ERI2: variants seen among roughly 807,000 people sequenced by gnomAD.
ERI2 encodes the protein ERI1 exoribonuclease family member 2.
Under a neutral mutation model 46.8 loss-of-function variants are expected in ERI2, and 35 were observed. The observed-to-expected ratio is 0.75, with a 90% confidence interval of 0.57 to 0.99. ERI2 has a LOEUF of 0.99. Ranked by LOEUF, ERI2 falls within the 50% of genes least tolerant of loss-of-function variation. The pLI is 0.00. For synonymous variants in ERI2, 224 were observed against 271.0 expected (o/e 0.83, Z 1.70); for missense variants, 695 against 796.2 (o/e 0.87, Z 1.53).
At chr16:20,785,067 C>T (rs748181119) in intron 10 of ERI2, 18 of 1,613,568 alleles carry the variant, frequency 1.1e-5, no homozygotes, top group African/African-American at 2.7e-5. Flanking sequence ...AGAAACAAGA[C>T]GGGCCTGGAT....
chr16:20,789,687 T>TC, intron 9 of ERI2: 1 of 427,212 alleles, frequency 2.3e-6, no homozygotes, highest in East Asian at 4.2e-5. Context: ...TATTTTTCTT[T>TC]TTTTTTTTTT....
chr16:20,799,286 T>G lies in ERI2; in HGVS notation c.709A>C (p.Lys237Gln), dbSNP rs200234957. Reference sequence around the variant, plus strand: ...ACCTTGTTCAACGACCTTGTAATTTTCATTACACAACCATCTCTGATCATT... The same window carrying G: ...ACCTTGTTCAACGACCTTGTAATTTGCATTACACAACCATCTCTGATCATT... ...WKMIRDGCVM[K>Q]ITRSLNKVPT... The change falls in exon 8 of 9, where the codon AAA becomes CAA. Residue 237 changes from lysine (K) to glutamine (Q), a missense_variant. Lys to Gln is a moderately conservative substitution (Grantham distance 53). Transcript: ENST00000357967. 1 of 1,613,752 alleles carries G rather than the reference T, an allele frequency of 6.2e-7. No homozygotes were observed. Among genetic ancestry groups the G allele is most frequent in the African/African-American group, 1.3e-5 (1 of 75,032 alleles).
intron 1 of ERI2, 108 bp downstream of exon 1, chr16:20,806,300 G>A: frequency 2.7e-6 from 4 of 1,482,280 alleles, no homozygotes; most frequent in Non-Finnish European, 3.6e-6. Flanking sequence ...GGGGCTGCGG[G>A]GAATAGAGGC....
Position 20,790,481 on chromosome 16 carries a change from C to A in ERI2, c.815+369G>T. ...CACACACACAAAATTTTTTTTAAGT[C>A]TTCATTTTTAAATGGCAAAAGCCAA... On this transcript the variant is annotated intron_variant, in intron 9 of 10. Transcript: ENST00000300005. The surrounding 1 kb of genome is among the most constrained non-coding windows in gnomAD (Gnocchi z 4.0). 1 of 1,169,464 alleles carries A rather than the reference C, an allele frequency of 8.6e-7. No individual in the cohort carries two copies. Among genetic ancestry groups the A allele is most frequent in the Non-Finnish European group, 1.2e-6 (1 of 823,968 alleles). 72.4% of individuals were successfully genotyped at this position (1,169,464 alleles called of 1,614,324 possible).
In ERI2 at chr16:20,802,747, T is replaced by C. The variant is rs771142726; in HGVS notation, c.303+49A>G. The C allele has an allele frequency of 2.2e-5, 35 of 1,568,556 alleles. No individual in the cohort carries two copies. In the Admixed American group the frequency reaches 5.3e-4, roughly 24 times the overall value. On this transcript the variant is annotated intron_variant, in intron 4 of 8. Transcript: ENST00000357967. ...CTAATTTCAAATGGTATAATAACTT[T>C]TATTTTCTTTTTGAAACTGACTTCT...
rs923860958 is a variant in ERI2, at chr16:20,798,396, A to G, written c.1404T>C (p.Ser468=). 6.4e-7 allele frequency: 1 copy of G among 1,550,564 alleles called. No homozygotes were observed. The highest frequency in any genetic ancestry group is 1.4e-5 in the African/African-American group (1 of 73,022). The change falls in exon 9 of 9, where the codon TCT becomes TCC. Residue 468 remains serine (S), a synonymous_variant. Coordinates refer to ENST00000357967, the MANE Select transcript of ERI2 (RefSeq NM_001142725.2). ...FGDIEETPQK[S]ETSKSIVYKS... is the part of the protein sequence containing the mutation. ...TGTACACAATAGACTTAGAAGTCTC[A>G]GATTTTTGAGGAGTTTCCTCTATGT...
Position 20,797,383 on chromosome 16 carries a change from T to C in ERI2, c.*341A>G. ...ACTTATAAAAGTTTTTAGAAAAATA[T>C]AAAATATCAGTTAGAAGATTATGAT... On this transcript the variant is annotated 3_prime_UTR_variant, in exon 9 of 9. Coordinates refer to ENST00000357967, the MANE Select transcript of ERI2 (RefSeq NM_001142725.2). The C allele has an allele frequency of 1.0e-6, 1 of 985,872 alleles. No individual in the cohort carries two copies. Among genetic ancestry groups the C allele is most frequent in the East Asian group, 9.7e-5 (1 of 10,316 alleles). 61.1% of individuals were successfully genotyped at this position (985,872 alleles called of 1,614,324 possible).
intron 1 of ERI2, 127 bp from the exon 2 acceptor site, chr16:20,803,797 G>T: frequency 8.3e-7 from 1 of 1,205,508 alleles, no homozygotes; most frequent in South Asian, 1.4e-5. Context: ...AAATCGAACT[G>T]GACTTTGGCT....
rs748863677 is a variant in ERI2 at position 20,790,671 on chromosome 16, CT to C, written c.815+178del. ...AGTTCTACCCAACCGACCATTTGGC[CT>C]TTTTACTCATTACGTAGTAAGTGAC... On this transcript the variant is annotated intron_variant, in intron 9 of 10. Coordinates refer to the ERI2 transcript ENST00000300005. The surrounding 1 kb of genome is among the most constrained non-coding windows in gnomAD (Gnocchi z 4.0). 4.0e-5 allele frequency: 64 copies of C among 1,614,056 alleles called. No homozygotes were observed. The African/African-American group carries it at 6.5e-4, about 16-fold the overall frequency.
chr16:20,796,225 A>T (rs1463110136), downstream of ERI2: 3 of 1,369,538 alleles, frequency 2.2e-6, no homozygotes, highest in Non-Finnish European at 9.6e-7. Flanking sequence ...TGGCTGGCTT[A>T]AGAGCACAGA....
Position 20,798,254 on chromosome 16 carries a change from T to TA in ERI2, c.1545dup (p.Met516TyrfsTer39), listed in dbSNP as rs1347025659. On this transcript the variant is annotated frameshift_variant, in exon 9 of 9. Coordinates refer to ENST00000357967, the MANE Select transcript of ERI2 (RefSeq NM_001142725.2). LOFTEE classifies it high-confidence loss of function. ...TTCCCCAAAACTAAAGGATGAGACA[T>TA]ATTGGCATTAACTCTGTTGAAGGTA... The TA allele has an allele frequency of 6.4e-7, 1 of 1,551,590 alleles. No individual in the cohort carries two copies. Among genetic ancestry groups the TA allele is most frequent in the Non-Finnish European group, 8.7e-7 (1 of 1,146,908 alleles).
intron 10 of ERI2, among the ~76,000 whole-genome samples, chr16:20,788,606 A>C (rs535165011): frequency 6.6e-6 from 1 of 152,326 alleles, no homozygotes; most frequent in East Asian, 1.9e-4. Context: ...AACCAGGTGA[A>C]TATCAGATTC....
rs570208326 is a variant in ERI2 at position 20,806,190 on chromosome 16, G to T, written c.23+218C>A. On this transcript the variant is annotated intron_variant, in intron 1 of 8. Transcript: ENST00000357967. ...AAGGCCCCAGGGTTCGTCCGCCTCG[G>T]GCTCCTGTCACCCTCGGGTAGAAGG... The T allele has an allele frequency of 4.6e-5, 64 of 1,394,684 alleles. No homozygotes were observed. The African/African-American group carries it at 9.2e-4, about 20-fold the overall frequency. The allele number at this position is 1,394,684 out of a possible 1,614,324, so 86.4% of individuals were successfully genotyped here. A position where few individuals can be genotyped will look rare whatever the true frequency, so the allele number is the denominator to read the frequency against.
downstream of ERI2, chr16:20,792,157 G>A: frequency 6.2e-7 from 1 of 1,614,078 alleles, no homozygotes; most frequent in Non-Finnish European, 8.5e-7. Flanking sequence ...ATGTGCATAT[G>A]TCTGTGTTAA....
rs182542587 is a variant in ERI2, at chr16:20,799,670, C to A, written c.643+287G>T. ...ATCTAATAGTCTTGTTCAGTTTTTT[C>A]ACTAGTCCATTCTATTATTTGAGCA... On this transcript the variant is annotated intron_variant, in intron 7 of 8. Transcript: ENST00000357967. 6.0e-5 allele frequency: 28 copies of A among 465,560 alleles called. No individual in the cohort carries two copies. The Admixed American group carries it at 1.1e-3, about 17-fold the overall frequency. 28.8% of individuals were successfully genotyped at this position (465,560 alleles called of 1,614,324 possible).
chr16:20,806,234 C>G, intron 1 of ERI2, 174 bp downstream of exon 1: 1 of 1,412,242 alleles, frequency 7.1e-7, no homozygotes, highest in African/African-American at 1.5e-5. Flanking sequence ...GGCTGAAGAC[C>G]GAGGTCCAGG....
downstream of ERI2, chr16:20,792,698 G>A (rs1290842142): frequency 6.1e-6 from 6 of 985,294 alleles, no homozygotes; most frequent in African/African-American, 1.7e-5. Flanking sequence ...GGAAACCAAC[G>A]AGGTCCCTGG....
At chr16:20,789,440 T>G in intron 10 of ERI2, 1 of 1,422,306 alleles carries the variant, frequency 7.0e-7, no homozygotes. Flanking sequence ...TGATGAGGAT[T>G]GGAGAGAGGG....
In ERI2 at chr16:20,782,396, TC is replaced by T. The variant is rs2080371636; in HGVS notation, c.895-1663del. Among the ~76,000 whole-genome samples the T allele has an allele frequency of 2.6e-5, 4 of 152,220 alleles. No homozygotes were observed. The South Asian group carries it at 6.2e-4, about 24-fold the overall frequency. ...TATAGTCTTTTATCCCTCACCCACC[TC>T]CCACCCTTTCCCCAGAGTCCCCAAA... On this transcript the variant is annotated intron_variant, in intron 10 of 10. Coordinates refer to the ERI2 transcript ENST00000300005.
Sources: allele counts gnomAD v4.1 joint callset (sites outside exome capture counted in the v4.1 genomes callset), GRCh38; gene constraint gnomAD v4.1.1; non-coding constraint Gnocchi (gnomAD v3.1); transcripts MANE v1.5; gene names NCBI Gene and HGNC (gene_info 2026-07-23, HGNC 2026-07-21).